Variants in ARMC7 observed in about 807,000 individuals in gnomAD.
ARMC7 encodes the protein armadillo repeat containing 7.
In ARMC7, 9 loss-of-function variants were observed where a neutral mutation model predicts 14.8. The ratio of observed to expected loss-of-function variants is 0.61; its 90% confidence interval spans 0.37 to 1.06. The LOEUF (loss-of-function observed/expected upper bound fraction) is 1.06. Among genes scored for constraint, ARMC7 ranks in the 50% least tolerant of loss-of-function variants. ARMC7 has a pLI of 0.01. For missense variants in ARMC7, 262 were observed against 267.1 expected (o/e 0.98, Z 0.13); for synonymous variants, 125 against 123.4 (o/e 1.01, Z -0.09).
chr17:75,114,496 G>A, intron 2 of ARMC7: 1 of 392,564 alleles, frequency 2.5e-6, no homozygotes, highest in Non-Finnish European at 4.5e-6. Flanking sequence ...GGAGTCCGCG[G>A]TCCCAGCGTC....
intron 2 of ARMC7, among the ~76,000 whole-genome samples, chr17:75,120,658 C>G (rs866157696): frequency 5.3e-5 from 8 of 151,634 alleles, no homozygotes; most frequent in South Asian, 2.1e-4. Context: ...ACTAAAAATA[C>G]AAAAAATTAG....
At chr17:75,126,580 T>C (rs921836410) in intron 2 of ARMC7, among the ~76,000 whole-genome samples, 6 of 148,974 alleles carry the variant, frequency 4.0e-5, no homozygotes, top group African/African-American at 1.6e-4. Flanking sequence ...ATTGTTTTTT[T>C]GTTTTTGTTT....
At chr17:75,112,445 C>A (rs930651284) in intron 2 of ARMC7, among the ~76,000 whole-genome samples, 1 of 152,140 alleles carries the variant, frequency 6.6e-6, no homozygotes, top group Non-Finnish European at 1.5e-5. Flanking sequence ...CGCGTAGTCA[C>A]CTGGCTGAAG....
intron 2 of ARMC7, among the ~76,000 whole-genome samples, chr17:75,118,976 G>GC (rs1339916925): frequency 5.3e-5 from 8 of 152,202 alleles, no homozygotes; most frequent in Non-Finnish European, 1.0e-4. Flanking sequence ...TGTGCCCTGG[G>GC]AACCCAGCTG....
At chr17:75,125,363 G>A (rs908327357) in intron 2 of ARMC7, among the ~76,000 whole-genome samples, 1 of 152,180 alleles carries the variant, frequency 6.6e-6, no homozygotes, top group Admixed American at 6.6e-5. Context: ...GAGCAGTGGA[G>A]GGCTTGTTAC....
At chr17:75,115,369 G>A (rs550022569) in intron 2 of ARMC7, among the ~76,000 whole-genome samples, 7 of 152,178 alleles carry the variant, frequency 4.6e-5, no homozygotes, top group Admixed American at 1.3e-4. Flanking sequence ...GCAAAACCCC[G>A]TCTCTACTAA....
chr17:75,119,452 T>G (rs2073996795), intron 2 of ARMC7, among the ~76,000 whole-genome samples: 1 of 141,102 alleles, frequency 7.1e-6, no homozygotes, highest in Non-Finnish European at 1.5e-5. Flanking sequence ...TACAGTTTTT[T>G]CTTTTTTTTT....
At chr17:75,116,324 G>T (rs1267845759) in intron 2 of ARMC7, among the ~76,000 whole-genome samples, 1 of 152,154 alleles carries the variant, frequency 6.6e-6, no homozygotes, top group Admixed American at 6.6e-5. Flanking sequence ...GCTGGCCAAA[G>T]GTTTAAAGAG....
At chr17:75,116,420 G>A (rs1279952793) in intron 2 of ARMC7, among the ~76,000 whole-genome samples, 1 of 152,190 alleles carries the variant, frequency 6.6e-6, no homozygotes, top group Non-Finnish European at 1.5e-5. Flanking sequence ...CGGAGGTCGG[G>A]AGTTCGAGAC....
chr17:75,116,133 G>A (rs905871352), intron 2 of ARMC7, among the ~76,000 whole-genome samples: 5 of 152,222 alleles, frequency 3.3e-5, no homozygotes, highest in Non-Finnish European at 5.9e-5. Flanking sequence ...CAGGTGGGGA[G>A]AGCCTGGCTG....
chr17:75,129,220 C>A lies in ARMC7; in HGVS notation c.*182C>A, dbSNP rs1598174652. On this transcript the variant is annotated 3_prime_UTR_variant, in exon 3 of 3. Coordinates refer to ENST00000245543, the MANE Select transcript of ARMC7 (RefSeq NM_024585.4). ...CGCCACTGGGAGTGAGGAAGCCAGA[C>A]TCCAGAGACACGGAGAAGATCAAAC... 3.6e-6 allele frequency: 3 copies of A among 841,526 alleles called. No individual in the cohort carries two copies. In the East Asian group the frequency reaches 8.1e-5, roughly 23 times the overall value. The allele number at this position is 841,526 out of a possible 1,614,324, so 52.1% of individuals were successfully genotyped here. A position where few individuals can be genotyped will look rare whatever the true frequency, so the allele number is the denominator to read the frequency against.
intron 2 of ARMC7, among the ~76,000 whole-genome samples, chr17:75,124,945 G>A (rs1210271121): frequency 1.3e-5 from 2 of 152,208 alleles, no homozygotes; most frequent in Admixed American, 6.5e-5. Context: ...AAGGACAAAA[G>A]GCAGCCTACA....
intron 2 of ARMC7, among the ~76,000 whole-genome samples, chr17:75,126,076 G>A (rs2074049422): frequency 6.6e-6 from 1 of 152,158 alleles, no homozygotes; most frequent in Non-Finnish European, 1.5e-5. Context: ...AGTGGGTAGA[G>A]CTGTGGCCTT....
chr17:75,114,234 C>A, intron 2 of ARMC7: 1 of 401,246 alleles, frequency 2.5e-6, no homozygotes, highest in South Asian at 1.3e-4. Flanking sequence ...CACCAGGGGG[C>A]GATAGAGCTC....
At chr17:75,121,621 C>T (rs931328392) in intron 2 of ARMC7, among the ~76,000 whole-genome samples, 1 of 152,152 alleles carries the variant, frequency 6.6e-6, no homozygotes, top group Admixed American at 6.6e-5. Context: ...GCCATGTTGG[C>T]CAGGCTGGTC....
intron 2 of ARMC7, among the ~76,000 whole-genome samples, chr17:75,124,632 C>T (rs893482308): frequency 6.6e-6 from 1 of 151,786 alleles, no homozygotes; most frequent in African/African-American, 2.4e-5. Context: ...CTGCTCCAGA[C>T]TGAGCCTGGC....
Position 75,129,108 on chromosome 17 carries a change from C to CG in ARMC7, c.*74dup. 2.0e-6 allele frequency: 3 copies of CG among 1,512,246 alleles called. No individual in the cohort carries two copies. The highest frequency in any genetic ancestry group is 2.6e-6 in the Non-Finnish European group (3 of 1,135,770). 93.7% of individuals were successfully genotyped at this position (1,512,246 alleles called of 1,614,324 possible). A position where few individuals can be genotyped will look rare whatever the true frequency, so the allele number is the denominator to read the frequency against. On this transcript the variant is annotated 3_prime_UTR_variant, in exon 3 of 3. Coordinates refer to ENST00000245543, the MANE Select transcript of ARMC7 (RefSeq NM_024585.4). ...ACAGTCCTGATGTGGACGCAGGGAACGGGGAGCACATACTGCCCCATTGGT... is the reference window on the plus strand; with the variant it reads ...ACAGTCCTGATGTGGACGCAGGGAACGGGGGAGCACATACTGCCCCATTGGT...
chr17:75,123,376 C>T (rs1314280990), intron 2 of ARMC7, among the ~76,000 whole-genome samples: 1 of 140,116 alleles, frequency 7.1e-6, no homozygotes, highest in Non-Finnish European at 1.5e-5. Flanking sequence ...TTTTTTGAGA[C>T]CGAGTTTCGC....
chr17:75,118,614 G>C (rs1318832851), intron 2 of ARMC7, among the ~76,000 whole-genome samples: 1 of 152,214 alleles, frequency 6.6e-6, no homozygotes, highest in South Asian at 2.1e-4. Context: ...GTGGCCTCTT[G>C]TGGATCTGCC....
Sources: allele counts gnomAD v4.1 joint callset (sites outside exome capture counted in the v4.1 genomes callset), GRCh38; gene constraint gnomAD v4.1.1; transcripts MANE v1.5; gene names NCBI Gene and HGNC (gene_info 2026-07-23, HGNC 2026-07-21).